COL8A1: variants seen among roughly 807,000 people sequenced by gnomAD.
COL8A1 encodes the protein collagen type VIII alpha 1 chain.
Under a neutral mutation model 42.7 loss-of-function variants are expected in COL8A1, and 21 were observed. The observed-to-expected ratio is 0.49, with a 90% CI of 0.35 to 0.71. The LOEUF is 0.71. COL8A1 is among the 30% of genes least tolerant of loss of function. COL8A1 has a pLI of 0.01. For missense variants in COL8A1, 788 were observed against 962.4 expected, an observed-to-expected ratio of 0.82 and a Z score of 2.40; for synonymous variants, 367 against 369.1, an observed-to-expected ratio of 0.99 and a Z score of 0.06.
chr3:99,790,599 T>C (rs886134137), intron 2 of COL8A1, 81 bp from the exon 3 acceptor site: 13 of 1,119,872 alleles, frequency 1.2e-5, no homozygotes, highest in South Asian at 3.1e-5. Context: ...CCCTTTTTTT[T>C]CCCCATTCTA....
At chr3:99,706,690 C>A (rs1282898102) in intron 1 of COL8A1, among the ~76,000 whole-genome samples, 3 of 152,200 alleles carry the variant, frequency 2.0e-5, no homozygotes, top group Non-Finnish European at 4.4e-5. Context: ...GACATCAATT[C>A]AGTCATCTTG....
chr3:99,708,380 C>A (rs1367724774), intron 1 of COL8A1, among the ~76,000 whole-genome samples: 2 of 152,122 alleles, frequency 1.3e-5, no homozygotes, highest in African/African-American at 4.8e-5. Context: ...ATTTCTCCTT[C>A]ATTGTTGGGT....
At chr3:99,783,137 T>A (rs1677920361) in intron 2 of COL8A1, among the ~76,000 whole-genome samples, 1 of 152,180 alleles carries the variant, frequency 6.6e-6, no homozygotes, top group African/African-American at 2.4e-5. Flanking sequence ...GAGATTCGGA[T>A]TAGATATTAG....
intron 1 of COL8A1, among the ~76,000 whole-genome samples, chr3:99,668,805 A>G (rs927280778): frequency 6.6e-6 from 1 of 152,136 alleles, no homozygotes; most frequent in Non-Finnish European, 1.5e-5. Context: ...GCTTCTGTTG[A>G]TACAATGATG....
chr3:99,753,534 G>C (rs1443457063), intron 2 of COL8A1, among the ~76,000 whole-genome samples: 1 of 152,196 alleles, frequency 6.6e-6, no homozygotes, highest in African/African-American at 2.4e-5. Flanking sequence ...GGACCCATCA[G>C]TTAGTACCGC....
In COL8A1 at chr3:99,676,538, A is replaced by T. The variant is rs149890134; in HGVS notation, c.-129+37874A>T. 5.9e-3 allele frequency among the ~76,000 whole-genome samples: 906 copies of T among 152,278 alleles called. 9 individuals are homozygous for T. Among genetic ancestry groups the T allele is most frequent in the African/African-American group, 0.02 (845 of 41,576 alleles). ...GAAAAGGGGTTTGATAACATTTAAT[A>T]CACATTCATGACAAAAAGTGCCTAG... is the stretch of plus-strand genomic sequence containing the variant. On this transcript the variant is annotated intron_variant, in intron 1 of 3. Transcript: ENST00000652472.
intron 2 of COL8A1, among the ~76,000 whole-genome samples, chr3:99,778,164 A>T (rs924732941): frequency 1.3e-5 from 2 of 152,142 alleles, no homozygotes; most frequent in Non-Finnish European, 2.9e-5. Flanking sequence ...CACCTATCCC[A>T]TTTCATGTTA....
chr3:99,754,513 G>C (rs1941215623), intron 2 of COL8A1, among the ~76,000 whole-genome samples: 1 of 151,960 alleles, frequency 6.6e-6, no homozygotes. Flanking sequence ...GTCCATAAGT[G>C]CTAGCAGTAA....
At chr3:99,730,572 G>C (rs1275276161) in intron 1 of COL8A1, among the ~76,000 whole-genome samples, 3 of 152,046 alleles carry the variant, frequency 2.0e-5, no homozygotes, top group Admixed American at 1.3e-4. Context: ...CTGGAGGCTT[G>C]TATTAAACTA....
intron 2 of COL8A1, among the ~76,000 whole-genome samples, chr3:99,757,361 T>A (rs1264525979): frequency 1.3e-5 from 2 of 152,164 alleles, no homozygotes; most frequent in Admixed American, 6.5e-5. Context: ...TGACCATTCA[T>A]GACATTGACT....
intron 1 of COL8A1, among the ~76,000 whole-genome samples, chr3:99,699,758 T>C (rs189716710): frequency 0.012 from 1,894 of 152,312 alleles, 34 homozygotes; most frequent in African/African-American, 0.043. Context: ...TTCTCCATTC[T>C]GAATAAATAT....
At chr3:99,652,230 T>G (rs1937869315) in intron 1 of COL8A1, among the ~76,000 whole-genome samples, 1 of 152,226 alleles carries the variant, frequency 6.6e-6, no homozygotes, top group African/African-American at 2.4e-5. Flanking sequence ...ATTTATGAAA[T>G]AGAATTCATT....
intron 1 of COL8A1, among the ~76,000 whole-genome samples, chr3:99,668,028 T>C (rs1005392639): frequency 2.6e-5 from 4 of 152,148 alleles, no homozygotes; most frequent in African/African-American, 9.6e-5. Flanking sequence ...GCATTTGAGT[T>C]AATAATGATT....
At chr3:99,758,290 A>G (rs1941299577) in intron 2 of COL8A1, among the ~76,000 whole-genome samples, 1 of 152,120 alleles carries the variant, frequency 6.6e-6, no homozygotes, top group Admixed American at 6.6e-5. Context: ...GTTTTAAATG[A>G]CACTTGAAAG....
chr3:99,703,156 A>G (rs1455859445), intron 1 of COL8A1, among the ~76,000 whole-genome samples: 1 of 152,220 alleles, frequency 6.6e-6, no homozygotes, highest in Non-Finnish European at 1.5e-5. Flanking sequence ...GAGGGTATTG[A>G]GCAGAAAAGT....
intron 2 of COL8A1, among the ~76,000 whole-genome samples, chr3:99,786,138 A>T (rs1035392547): frequency 2.0e-5 from 3 of 152,032 alleles, no homozygotes; most frequent in Admixed American, 2.0e-4. Flanking sequence ...CAACCTTCAC[A>T]TCTCTATCCA....
chr3:99,719,540 A>C (rs1235442476), intron 1 of COL8A1, among the ~76,000 whole-genome samples: 1 of 152,138 alleles, frequency 6.6e-6, no homozygotes, highest in African/African-American at 2.4e-5. Context: ...TGCTCTGCTA[A>C]GGTAGTACAG....
chr3:99,758,696 A>G (rs1941307569), intron 2 of COL8A1, among the ~76,000 whole-genome samples: 1 of 152,194 alleles, frequency 6.6e-6, no homozygotes, highest in Admixed American at 6.5e-5. Context: ...CCAGGAAGGC[A>G]AGTGAGTAAG....
At position 99,798,651 on chromosome 3, in the gene COL8A1, CGTGT is replaced by C. The variant is rs201010578; in HGVS notation, c.*2520_*2523del. 7.9e-5 allele frequency: 12 copies of C among 151,896 alleles called. No individual in the cohort carries two copies. The highest frequency in any genetic ancestry group is 3.4e-3 in the Middle Eastern group (1 of 294). The allele number at this position is 151,896 out of a possible 1,614,324, so 9.4% of individuals were successfully genotyped here. On this transcript the variant is annotated 3_prime_UTR_variant, in exon 4 of 4. Transcript: ENST00000652472. ...GTGTGTGTGTGTGCGCGTGAGCGCA[CGTGT>C]GTGTATGCGTGCGCATGTGTGTGTA... is the stretch of plus-strand genomic sequence containing the variant.
Sources: gnomAD v4.1 joint callset for allele counts (sites outside exome capture counted in the v4.1 genomes callset) on GRCh38, gnomAD v4.1.1 for gene constraint, MANE v1.5 for transcripts, NCBI Gene and HGNC (gene_info 2026-07-23, HGNC 2026-07-21) for gene names.